Variants in SYK observed in about 807,000 individuals in gnomAD.
The protein encoded by SYK is spleen associated tyrosine kinase, also known as tyrosine-protein kinase SYK.
Under a neutral mutation model 77.8 loss-of-function variants are expected in SYK, and 16 were observed. That is an observed-to-expected ratio of 0.21 (90% CI 0.14 to 0.31). SYK has a LOEUF of 0.31. Among genes scored for constraint, SYK ranks in the 10% least tolerant of loss-of-function variants. The probability of loss-of-function intolerance (pLI) is 1.00; values close to 1 mark genes in which losing one functional copy is unlikely to be tolerated. For synonymous variants in SYK, 312 were observed against 308.7 expected (o/e 1.01, Z -0.11); for missense variants, 529 against 814.4 (o/e 0.65, Z 4.26).
intron 11 of SYK, among the ~76,000 whole-genome samples, chr9:90,882,447 C>T (rs758654309): frequency 1.3e-5 from 2 of 152,212 alleles, no homozygotes; most frequent in African/African-American, 2.4e-5. Context: ...CCCAATGAGA[C>T]CTCACACAGG....
intron 7 of SYK, among the ~76,000 whole-genome samples, chr9:90,869,133 A>G (rs1158935024): frequency 6.6e-6 from 1 of 152,206 alleles, no homozygotes; most frequent in African/African-American, 2.4e-5. Context: ...TGGGAATGTT[A>G]AGAAATCCCA....
intron 7 of SYK, among the ~76,000 whole-genome samples, chr9:90,869,635 G>A (rs1433773832): frequency 1.3e-5 from 2 of 152,178 alleles, no homozygotes; most frequent in East Asian, 3.8e-4. Flanking sequence ...TTTGCTCAGT[G>A]TACATAGTTG....
intron 1 of SYK, among the ~76,000 whole-genome samples, chr9:90,817,864 TGTGTGTGTGTGTGTGTGTGAGAGAGAGA>T (rs1437692748): frequency 3.6e-5 from 4 of 110,028 alleles, no homozygotes; most frequent in African/African-American, 1.5e-4. Context: ...TGTGTGTGTG[TGTGTGTGTGTGTGTGTGTGAGAGAGAGA>T]GAGAGAGAGA....
intron 1 of SYK, among the ~76,000 whole-genome samples, chr9:90,814,766 A>C (rs1476307397): frequency 6.6e-6 from 1 of 152,066 alleles, no homozygotes; most frequent in African/African-American, 2.4e-5. Flanking sequence ...AGTCTTGTCC[A>C]TGGGGCCCTG....
At chr9:90,854,678 G>T (rs290209) in intron 3 of SYK, among the ~76,000 whole-genome samples, 105,897 of 151,822 alleles carry the variant, frequency 0.7, 37,116 homozygotes, top group East Asian at 0.85. Flanking sequence ...AGGGACCGAC[G>T]GTGAGTGCAG....
chr9:90,876,038 C>A (rs1452136002), intron 9 of SYK, among the ~76,000 whole-genome samples: 1 of 152,158 alleles, frequency 6.6e-6, no homozygotes, highest in Non-Finnish European at 1.5e-5. Context: ...ATAATCCCAG[C>A]ACTTTGGGAG....
intron 11 of SYK, among the ~76,000 whole-genome samples, chr9:90,884,276 TAC>T (rs1301880399): frequency 1.7e-5 from 2 of 118,618 alleles, no homozygotes; most frequent in Admixed American, 8.0e-5. Context: ...CGTGTATATA[TAC>T]ACACATATAC....
chr9:90,897,973 A>C lies in SYK; in HGVS notation c.*2373A>C, dbSNP rs1829056370. 2 of 229,490 alleles carry C rather than the reference A, an allele frequency of 8.7e-6. No homozygotes were observed. The highest frequency in any genetic ancestry group is 1.3e-3 in the Middle Eastern group (1 of 788). The allele number at this position is 229,490 out of a possible 1,614,324, so 14.2% of individuals were successfully genotyped here. ...TCATGTGAAAAGGGCTACATTTGGG[A>C]AGCTGGGAAAGGCCTCCAGGCTTCT... On this transcript the variant is annotated 3_prime_UTR_variant, in exon 14 of 14. Transcript: ENST00000375754.
chr9:90,843,727 C>A, intron 1 of SYK, 131 bp from the exon 2 acceptor site: 1 of 587,586 alleles, frequency 1.7e-6, no homozygotes, highest in South Asian at 3.8e-5. Context: ...GTTGGGAGGG[C>A]CAAAGAGGGA....
chr9:90,856,547 A>G (rs1479699142), intron 3 of SYK, among the ~76,000 whole-genome samples: 1 of 139,482 alleles, frequency 7.2e-6, no homozygotes, highest in East Asian at 2.1e-4. Flanking sequence ...ACGCTCATTC[A>G]CTGATTTTTT....
intron 13 of SYK, among the ~76,000 whole-genome samples, chr9:90,889,917 C>A (rs1487183781): frequency 6.6e-6 from 1 of 152,206 alleles, no homozygotes; most frequent in South Asian, 2.1e-4. Context: ...CCCTTGGGCA[C>A]GTGGCAGCCT....
intron 11 of SYK, among the ~76,000 whole-genome samples, chr9:90,882,844 C>G (rs1450580001): frequency 6.6e-6 from 1 of 152,200 alleles, no homozygotes; most frequent in Non-Finnish European, 1.5e-5. Flanking sequence ...TGACTGGGAG[C>G]TGGGAGAAGC....
At chr9:90,874,938 T>C (rs1827871356) in intron 9 of SYK, 89 bp downstream of exon 9, 1 of 1,433,984 alleles carries the variant, frequency 7.0e-7, no homozygotes, top group Non-Finnish European at 9.5e-7. Flanking sequence ...CTGGCATGAC[T>C]AAACCCTTTT....
intron 1 of SYK, among the ~76,000 whole-genome samples, chr9:90,841,968 G>T (rs2118608733): frequency 9.8e-6 from 1 of 102,274 alleles, no homozygotes; most frequent in South Asian, 3.1e-4. Context: ...TGTGTTGTAT[G>T]TGGAGTGTAT....
intron 11 of SYK, among the ~76,000 whole-genome samples, chr9:90,886,513 G>T (rs1478930240): frequency 6.6e-6 from 1 of 152,118 alleles, no homozygotes; most frequent in Non-Finnish European, 1.5e-5. Flanking sequence ...AGACCATCCT[G>T]GCTAACACGG....
intron 4 of SYK, 35 bp from the exon 5 acceptor site, chr9:90,864,554 G>A: frequency 6.4e-7 from 1 of 1,573,730 alleles, no homozygotes; most frequent in South Asian, 1.1e-5. Flanking sequence ...TCCTGACCTT[G>A]GTATTTACCA....
At position 90,895,555 on chromosome 9, in the gene SYK, A is replaced by T. The variant is rs145685109; in HGVS notation, c.1863A>T (p.Ala621=). 2,568 of 1,614,218 alleles carry T rather than the reference A, an allele frequency of 1.6e-3. 3 individuals carry two copies. Among genetic ancestry groups the T allele is most frequent in the South Asian group, 1.9e-3 (177 of 91,088 alleles). The change falls in exon 14 of 14, where the codon GCA becomes GCT. Residue 621 remains alanine (A), a synonymous_variant. Transcript: ENST00000375754. The surrounding 1 kb of genome is among the most constrained non-coding windows in gnomAD (Gnocchi z 4.4). ...TGGAAAACAGGCCCGGATTCGCAGC[A>T]GTGGAACTGCGGCTGCGCAATTACT... ...YDVENRPGFA[A]VELRLRNYYY...
Position 90,864,675 on chromosome 9 carries a change from C to A in SYK, c.796+8C>A. On this transcript the variant is annotated splice_region_variant and intron_variant, in intron 5 of 13. Transcript: ENST00000375754. ...AAAAAATCGGCACACAGGGTGAGTT[C>A]CCAAGACACTGGAGTCTCAGTGTTT... 1 of 1,611,560 alleles carries A rather than the reference C, an allele frequency of 6.2e-7. No individual in the cohort carries two copies. Among genetic ancestry groups the A allele is most frequent in the Non-Finnish European group, 8.5e-7 (1 of 1,177,722 alleles).
chr9:90,833,778 A>T (rs1261759131), intron 1 of SYK, among the ~76,000 whole-genome samples: 3 of 152,258 alleles, frequency 2.0e-5, no homozygotes, highest in Non-Finnish European at 2.9e-5. Flanking sequence ...AAGGTTGTAT[A>T]GTCAGCTTTA....
Sources: allele counts gnomAD v4.1 joint callset (sites outside exome capture counted in the v4.1 genomes callset), GRCh38; gene constraint gnomAD v4.1.1; non-coding constraint Gnocchi (gnomAD v3.1); transcripts MANE v1.5; gene names NCBI Gene and HGNC (gene_info 2026-07-23, HGNC 2026-07-21).